Variants in DNM2 observed in about 807,000 individuals in gnomAD.
DNM2 encodes dynamin-2.
Under a neutral mutation model 99.0 loss-of-function variants are expected in DNM2, and 15 were observed. The observed-to-expected ratio is 0.15, with a 90% CI of 0.10 to 0.23. DNM2 has a LOEUF of 0.23. Among genes scored for constraint, DNM2 ranks in the 10% least tolerant of loss-of-function variants. The pLI is 1.00. For missense variants in DNM2, 742 were observed against 1,189.4 expected, an observed-to-expected ratio of 0.62 and a Z score of 5.53; for synonymous variants, 525 against 481.2, an observed-to-expected ratio of 1.09 and a Z score of -1.19.
chr19:10,718,506 C>A, intron 1 of DNM2, 103 bp downstream of exon 1: 1 of 1,252,252 alleles, frequency 8.0e-7, no homozygotes, highest in Non-Finnish European at 1.0e-6. Context: ...GCGGCGCTTG[C>A]GTGCCCGCGG....
chr19:10,774,669 C>T (rs1024463626), intron 3 of DNM2, among the ~76,000 whole-genome samples: 2 of 151,498 alleles, frequency 1.3e-5, no homozygotes, highest in African/African-American at 2.4e-5. Flanking sequence ...CAGGTGATCG[C>T]CTGCCTTGGC....
intron 1 of DNM2, among the ~76,000 whole-genome samples, chr19:10,739,861 CAAAAAAAAAA>C (rs59755624): frequency 2.1e-4 from 7 of 32,656 alleles, no homozygotes; most frequent in East Asian, 2.5e-3. Context: ...CTCTCTCTCT[CAAAAAAAAAA>C]AAAAAAAAAA....
chr19:10,725,274 G>A lies in DNM2; in HGVS notation c.161+6871G>A, dbSNP rs919918632. 5.0e-4 allele frequency among the ~76,000 whole-genome samples: 76 copies of A among 151,866 alleles called. 1 individual carries two copies. Among genetic ancestry groups the A allele is most frequent in the Admixed American group, 3.8e-3 (58 of 15,212 alleles). On this transcript the variant is annotated intron_variant, in intron 1 of 20. Transcript: ENST00000389253. ...CAGCCTGGCCAACATAGTGAATCCC[G>A]ATCTCTACTAAAAATACAAAAATTA...
rs114369902 is a variant in DNM2 at position 10,756,088 on chromosome 19, G to A, written c.162-3650G>A. On this transcript the variant is annotated intron_variant, in intron 1 of 20. Coordinates refer to ENST00000389253, the MANE Select transcript of DNM2 (RefSeq NM_001005361.3). ...CAAGGCTACTTGTGGCGTTCATGAG[G>A]TTAATACCCTGGGACAGCCTGGTGT... Among the ~76,000 whole-genome samples, 349 of 152,262 alleles carry A rather than the reference G, an allele frequency of 2.3e-3. 1 individual carries two copies. Among genetic ancestry groups the A allele is most frequent in the African/African-American group, 7.9e-3 (330 of 41,540 alleles).
rs768744648 is a variant in DNM2, at chr19:10,820,022, A to G, written c.1714A>G (p.Ile572Val). The G allele has an allele frequency of 6.2e-7, 1 of 1,614,116 alleles. No individual in the cohort carries two copies. The highest frequency in any genetic ancestry group is 1.1e-5 in the South Asian group (1 of 91,078). ...KYMLPLDNLK[I>V]RDVEKGFMSN... is the part of the protein sequence containing the mutation. ...CATGCTGCCTCTGGACAACCTCAAG[A>G]TCCGTGATGTGGAGAAGGGCTTCAT... The change falls in exon 16 of 21, where the codon ATC becomes GTC. Residue 572 changes from isoleucine to valine, a missense_variant. Around this residue, in one of 7 missense-constraint regions of DNM2, gnomAD observed 240 missense variants for 431.3 expected, o/e 0.56. Coordinates refer to ENST00000389253, the MANE Select transcript of DNM2 (RefSeq NM_001005361.3). This position sits in a 1 kb window ranked among gnomAD's most constrained non-coding sequence, Gnocchi z 4.3.
intron 7 of DNM2, among the ~76,000 whole-genome samples, chr19:10,788,734 G>C (rs999221626): frequency 2.0e-4 from 30 of 152,312 alleles, no homozygotes; most frequent in African/African-American, 5.8e-4. Flanking sequence ...TTCTGCCTCT[G>C]ACCTTTTGGC....
At position 10,775,857 on chromosome 19, in the gene DNM2, C is replaced by T. The variant is rs1288925939; in HGVS notation, c.540C>T (p.Asp180=). Residue 180 remains aspartate (D), a synonymous_variant, in exon 4 of 21, where the codon GAC becomes GAT. Coordinates refer to ENST00000389253, the MANE Select transcript of DNM2 (RefSeq NM_001005361.3). This position sits in a 1 kb window ranked among gnomAD's most constrained non-coding sequence, Gnocchi z 4.3. ...LILAVTPANM[D]LANSDALKLA... ...TGGCTGTCACGCCCGCCAACATGGA[C>T]CTGGCCAACTCCGACGCCCTCAAGC... The T allele has an allele frequency of 1.2e-6, 2 of 1,613,790 alleles. No individual in the cohort carries two copies. The highest frequency in any genetic ancestry group is 1.3e-5 in the African/African-American group (1 of 74,924).
chr19:10,754,053 C>T (rs986226082), intron 1 of DNM2, among the ~76,000 whole-genome samples: 3 of 152,146 alleles, frequency 2.0e-5, no homozygotes, highest in Non-Finnish European at 1.5e-5. Context: ...TTATATTTAA[C>T]TAGTCCCCTG....
chr19:10,799,181 C>T (rs927040792), intron 11 of DNM2, among the ~76,000 whole-genome samples: 5 of 152,136 alleles, frequency 3.3e-5, no homozygotes, highest in South Asian at 2.1e-4. Context: ...AAGTTATGGT[C>T]GTGCCATCGC....
chr19:10,739,757 T>G (rs924556471), intron 1 of DNM2, among the ~76,000 whole-genome samples: 7 of 148,716 alleles, frequency 4.7e-5, no homozygotes, highest in Non-Finnish European at 1.0e-4. Context: ...TCTGGGTGGC[T>G]GAGGCACGAG....
chr19:10,821,898 C>T (rs554861566), intron 16 of DNM2, among the ~76,000 whole-genome samples: 9 of 152,294 alleles, frequency 5.9e-5, no homozygotes, highest in African/African-American at 1.9e-4. Flanking sequence ...GATGATGTCC[C>T]AGGCAGCAGC....
chr19:10,752,365 G>A (rs1304142239), intron 1 of DNM2, among the ~76,000 whole-genome samples: 1 of 152,214 alleles, frequency 6.6e-6, no homozygotes, highest in African/African-American at 2.4e-5. Context: ...CCACAGCTCT[G>A]TGTTCTCTTG....
intron 2 of DNM2, among the ~76,000 whole-genome samples, chr19:10,766,413 C>G (rs2070797144): frequency 6.6e-6 from 1 of 152,060 alleles, no homozygotes; most frequent in Non-Finnish European, 1.5e-5. Flanking sequence ...TCTTCATGTC[C>G]CAGGCCCCCT....
intron 2 of DNM2, among the ~76,000 whole-genome samples, chr19:10,767,677 G>A (rs904652079): frequency 1.3e-5 from 2 of 152,148 alleles, no homozygotes; most frequent in African/African-American, 4.8e-5. Context: ...AGGCCGAGGT[G>A]GGCGGATCAC....
rs917877106 is a variant in DNM2, at chr19:10,831,723, G to A, written c.*676G>A. ...GGGTGGCTGGGCTTGGGCTATGTGG[G>A]TGGTGGTGGCGGGGGGTCTTGGGGG... On this transcript the variant is annotated 3_prime_UTR_variant, in exon 21 of 21. Coordinates refer to ENST00000389253, the MANE Select transcript of DNM2 (RefSeq NM_001005361.3). The surrounding 1 kb of genome is among the most constrained non-coding windows in gnomAD (Gnocchi z 4.3). 2.0e-5 allele frequency: 20 copies of A among 986,354 alleles called. No homozygotes were observed. The highest frequency in any genetic ancestry group is 1.7e-4 in the African/African-American group (10 of 57,232). The allele number at this position is 986,354 out of a possible 1,614,324, so 61.1% of individuals were successfully genotyped here.
chr19:10,733,296 A>G (rs1159823460), intron 1 of DNM2, among the ~76,000 whole-genome samples: 2 of 147,480 alleles, frequency 1.4e-5, no homozygotes, highest in Non-Finnish European at 3.0e-5. Context: ...GGCTCAAACC[A>G]TTCTCCCACC....
intron 7 of DNM2, among the ~76,000 whole-genome samples, chr19:10,793,411 T>C (rs905606758): frequency 6.6e-6 from 1 of 152,166 alleles, no homozygotes; most frequent in Non-Finnish European, 1.5e-5. Flanking sequence ...CAAGTTGAGC[T>C]TCAGGGCAGA....
At chr19:10,743,791 C>T (rs1220069185) in intron 1 of DNM2, among the ~76,000 whole-genome samples, 1 of 97,214 alleles carries the variant, frequency 1.0e-5, no homozygotes, top group African/African-American at 4.3e-5. Flanking sequence ...GCCTGGGTGA[C>T]AAAGCGAGAC....
intron 9 of DNM2, 117 bp from the exon 10 acceptor site, chr19:10,797,263 C>G (rs1391654859): frequency 6.9e-7 from 1 of 1,447,512 alleles, no homozygotes; most frequent in Admixed American, 1.9e-5. Flanking sequence ...CTCCCCCATG[C>G]ATGGACTAAT....
Sources: gnomAD v4.1 joint callset for allele counts (sites outside exome capture counted in the v4.1 genomes callset) on GRCh38, gnomAD v4.1.1 for gene constraint, gnomAD v4.1.1 regional missense constraint, Gnocchi (gnomAD v3.1) non-coding constraint, MANE v1.5 for transcripts, NCBI Gene and HGNC (gene_info 2026-07-23, HGNC 2026-07-21) for gene names.